PDE10A: variants seen among roughly 807,000 people sequenced by gnomAD.
The protein encoded by PDE10A is phosphodiesterase 10A.
A neutral mutation model predicts 97.7 loss-of-function variants in PDE10A; 39 were observed. The ratio of observed to expected loss-of-function variants is 0.40; its 90% CI spans 0.31 to 0.52. The LOEUF (loss-of-function observed/expected upper bound fraction) is 0.52. Ranked by LOEUF, PDE10A falls within the 20% of genes least tolerant of loss-of-function variation. The probability of loss-of-function intolerance (pLI) is 0.56; values close to 1 mark genes in which losing one functional copy is unlikely to be tolerated. For synonymous variants in PDE10A, 371 were observed against 376.8 expected (o/e 0.98, Z 0.18); for missense variants, 731 against 1,047.8 (o/e 0.70, Z 4.17).
rs371064795 is a variant in PDE10A, at chr6:165,485,371, G to A, written c.995-3028C>T. Reference sequence around the variant, plus strand: ...TAATCCCAGCTACTCTGGAGGCTGAGGCAGGAGAATCACTTGAACCCAGGA... The same window carrying A: ...TAATCCCAGCTACTCTGGAGGCTGAAGCAGGAGAATCACTTGAACCCAGGA... On this transcript the variant is annotated intron_variant, in intron 2 of 21. Transcript: ENST00000539869. Among the ~76,000 whole-genome samples, 12 of 151,466 alleles carry A rather than the reference G, an allele frequency of 7.9e-5. No homozygotes were observed. In the East Asian group the frequency reaches 2.0e-3, roughly 25 times the overall value.
chr6:165,982,219 G>T (rs1005146782), intron 1 of PDE10A, among the ~76,000 whole-genome samples: 1 of 152,098 alleles, frequency 6.6e-6, no homozygotes, highest in Non-Finnish European at 1.5e-5. Flanking sequence ...CGCGTGAGTC[G>T]GTCATGCCCA....
At chr6:165,528,196 T>C (rs1054387992) in intron 2 of PDE10A, among the ~76,000 whole-genome samples, 1 of 152,248 alleles carries the variant, frequency 6.6e-6, no homozygotes, top group Non-Finnish European at 1.5e-5. Context: ...TGGATCTCTC[T>C]GAGTGGTCAA....
At chr6:165,825,830 G>A (rs1403202425) in intron 1 of PDE10A, among the ~76,000 whole-genome samples, 2 of 152,128 alleles carry the variant, frequency 1.3e-5, no homozygotes, top group African/African-American at 2.4e-5. Flanking sequence ...GGCAGCATCA[G>A]CCACTCCCAA....
chr6:165,343,309 A>G, intron 19 of PDE10A, 82 bp downstream of exon 19: 1 of 966,390 alleles, frequency 1.0e-6, no homozygotes, highest in Non-Finnish European at 1.7e-6. Flanking sequence ...ATCAACATGA[A>G]CAACTAAAGT....
rs1787895339 is a variant in PDE10A at position 165,619,154 on chromosome 6, G to GCAGTGTAGACTAGTGTAGTGTAGAC, written c.865+42792_865+42793insGTCTACACTACACTAGTCTACACTG. Reference sequence around the variant, plus strand: ...CTAGTGTAGTGTAGTCTAGTGTCGTGTAGTGTAGTGTAGTGTAGTCTAGTG... The same window carrying GCAGTGTAGACTAGTGTAGTGTAGAC: ...CTAGTGTAGTGTAGTCTAGTGTCGTGCAGTGTAGACTAGTGTAGTGTAGACTAGTGTAGTGTAGTGTAGTCTAGTG... On this transcript the variant is annotated intron_variant, in intron 1 of 21. Transcript: ENST00000539869. Among the ~76,000 whole-genome samples, 6 of 123,026 alleles carry GCAGTGTAGACTAGTGTAGTGTAGAC rather than the reference G, an allele frequency of 4.9e-5. 2 individuals are homozygous for GCAGTGTAGACTAGTGTAGTGTAGAC. The highest frequency in any genetic ancestry group is 1.7e-4 in the African/African-American group (4 of 23,424). The allele number at this position is 123,026 out of a possible 152,430, so 80.7% of individuals were successfully genotyped here.
intron 1 of PDE10A, among the ~76,000 whole-genome samples, chr6:165,959,506 A>G (rs1784295464): frequency 6.6e-6 from 1 of 152,264 alleles, no homozygotes; most frequent in African/African-American, 2.4e-5. Context: ...GGATTGGATC[A>G]GAGATACATG....
intron 1 of PDE10A, among the ~76,000 whole-genome samples, chr6:165,839,331 C>A (rs1462061579): frequency 1.3e-5 from 2 of 152,188 alleles, no homozygotes; most frequent in Non-Finnish European, 2.9e-5. Context: ...TCATATTTAT[C>A]TCAAACTTTT....
intron 1 of PDE10A, among the ~76,000 whole-genome samples, chr6:165,922,791 T>C (rs1427568894): frequency 6.6e-6 from 1 of 152,196 alleles, no homozygotes; most frequent in Non-Finnish European, 1.5e-5. Context: ...ACAACTGTTT[T>C]CTCAATCTTG....
At chr6:165,924,796 T>C (rs1423623509) in intron 1 of PDE10A, among the ~76,000 whole-genome samples, 1 of 152,154 alleles carries the variant, frequency 6.6e-6, no homozygotes, top group Non-Finnish European at 1.5e-5. Flanking sequence ...ATGTAAAACA[T>C]AAAAGTTATT....
chr6:165,592,640 T>C (rs1786346843), intron 1 of PDE10A, among the ~76,000 whole-genome samples: 1 of 152,008 alleles, frequency 6.6e-6, no homozygotes, highest in Non-Finnish European at 1.5e-5. Flanking sequence ...GGGCAAAGGA[T>C]ATAAACAGAC....
At chr6:165,760,383 A>G (rs1037483122) in intron 1 of PDE10A, among the ~76,000 whole-genome samples, 1 of 152,194 alleles carries the variant, frequency 6.6e-6, no homozygotes, top group Non-Finnish European at 1.5e-5. Flanking sequence ...AGTGGAGGCC[A>G]CTTAATTTTC....
intron 1 of PDE10A, among the ~76,000 whole-genome samples, chr6:165,943,839 C>T (rs1783667717): frequency 6.6e-6 from 1 of 152,190 alleles, no homozygotes; most frequent in Admixed American, 6.5e-5. Context: ...AAGATGGCAC[C>T]TAAAATTATC....
At chr6:165,907,479 G>A (rs1449250924) in intron 1 of PDE10A, among the ~76,000 whole-genome samples, 4 of 152,232 alleles carry the variant, frequency 2.6e-5, no homozygotes, top group Non-Finnish European at 5.9e-5. Context: ...ATTGCACAGT[G>A]GGAGCCGCAC....
chr6:165,536,837 G>A (rs557483322), intron 2 of PDE10A, among the ~76,000 whole-genome samples: 2 of 151,852 alleles, frequency 1.3e-5, no homozygotes, highest in Non-Finnish European at 3.0e-5. Flanking sequence ...ATGCTCGTAC[G>A]CTATTGGTAG....
At chr6:165,511,858 T>C (rs1298571637) in intron 2 of PDE10A, among the ~76,000 whole-genome samples, 2 of 152,100 alleles carry the variant, frequency 1.3e-5, no homozygotes, top group African/African-American at 2.4e-5. Flanking sequence ...TGGTTTCTAT[T>C]TGAATTGAAT....
intron 1 of PDE10A, among the ~76,000 whole-genome samples, chr6:165,777,504 T>A (rs1778219256): frequency 6.7e-6 from 1 of 148,498 alleles, no homozygotes. Flanking sequence ...CAGTCAGTAG[T>A]GGCCCATCTC....
intron 15 of PDE10A, among the ~76,000 whole-genome samples, chr6:165,394,710 C>G (rs1464851644): frequency 3.3e-5 from 5 of 152,198 alleles, no homozygotes; most frequent in Non-Finnish European, 7.3e-5. Flanking sequence ...CCTATTTCTC[C>G]ACATCCTCTC....
intron 1 of PDE10A, among the ~76,000 whole-genome samples, chr6:165,964,566 C>T (rs1784451513): frequency 6.6e-6 from 1 of 152,254 alleles, no homozygotes; most frequent in East Asian, 1.9e-4. Context: ...TGAGATGAGT[C>T]ACGATCTCTC....
chr6:165,778,342 T>G (rs997395494), intron 1 of PDE10A, among the ~76,000 whole-genome samples: 2 of 152,216 alleles, frequency 1.3e-5, no homozygotes, highest in Admixed American at 1.3e-4. Context: ...AGTGCTGGGA[T>G]TACAGGCGTG....
Sources: gnomAD v4.1 joint callset for allele counts (sites outside exome capture counted in the v4.1 genomes callset) on GRCh38, gnomAD v4.1.1 for gene constraint, MANE v1.5 for transcripts, NCBI Gene and HGNC (gene_info 2026-07-23, HGNC 2026-07-21) for gene names.